The following AHRR variants were observed in gnomAD, a reference collection of about 807,000 sequenced individuals.
The protein encoded by AHRR is ahR repressor.
In AHRR, 28 loss-of-function variants were observed where a neutral mutation model predicts 44.0. That is an observed-to-expected ratio of 0.64 (90% CI 0.47 to 0.87). AHRR has a LOEUF of 0.87. Among genes scored for constraint, AHRR ranks in the 40% least tolerant of loss-of-function variants. The pLI is 0.00. For missense variants in AHRR, 990 were observed against 953.9 expected (o/e 1.04, Z -0.50); for synonymous variants, 434 against 407.0 (o/e 1.07, Z -0.80).
rs902007020 is a variant in AHRR at position 437,689 on chromosome 5, T to A, written c.*2855T>A. 6.6e-6 allele frequency: 1 copy of A among 152,378 alleles called. No homozygotes were observed. The highest frequency in any genetic ancestry group is 6.5e-5 in the Admixed American group (1 of 15,288). 9.4% of individuals were successfully genotyped at this position (152,378 alleles called of 1,614,324 possible). A position where few individuals can be genotyped will look rare whatever the true frequency, so the allele number is the denominator to read the frequency against. ...GGTGCCAGATTGAGTGGTGGGTTGCTGCCAGGCAGGCCACGCTGTGTTGAC... is the reference window on the plus strand; with the variant it reads ...GGTGCCAGATTGAGTGGTGGGTTGCAGCCAGGCAGGCCACGCTGTGTTGAC... On this transcript the variant is annotated 3_prime_UTR_variant, in exon 11 of 11. Coordinates refer to ENST00000684583, the MANE Select transcript of AHRR (RefSeq NM_001377236.1).
chr5:324,407 G>A (rs1741629237), intron 1 of AHRR, among the ~76,000 whole-genome samples: 1 of 150,696 alleles, frequency 6.6e-6, no homozygotes, highest in Non-Finnish European at 1.5e-5. Flanking sequence ...AGCCAAAGGT[G>A]CTTCCACTTG....
chr5:367,862 G>A (rs760547607), intron 3 of AHRR: 14 of 702,580 alleles, frequency 2.0e-5, no homozygotes, highest in Middle Eastern at 4.6e-4. Flanking sequence ...ACGGGCGAAC[G>A]AAGGCCCATG....
At chr5:414,053 A>G (rs1436835510) in intron 5 of AHRR, among the ~76,000 whole-genome samples, 1 of 152,212 alleles carries the variant, frequency 6.6e-6, no homozygotes, top group African/African-American at 2.4e-5. Context: ...TCACGAGGTC[A>G]GGAGATTGAG....
At chr5:433,055 A>G in intron 10 of AHRR, 108 bp downstream of exon 10, 7 of 1,341,810 alleles carry the variant, frequency 5.2e-6, no homozygotes, top group Non-Finnish European at 6.9e-6. Context: ...AAAAGACGAC[A>G]GCAGCCTTGG....
At chr5:344,982 TGTGTGAGGCTGTGTGTGGGGA>T (rs1742562081) in intron 2 of AHRR, among the ~76,000 whole-genome samples, 2 of 82,010 alleles carry the variant, frequency 2.4e-5, no homozygotes, top group Non-Finnish European at 4.9e-5. Context: ...GTGTGGGGTG[TGTGTGAGGCTGTGTGTGGGGA>T]GTGTGAGGCT....
At chr5:360,249 AAGGCAGCTGTCTGC>A (rs1743131007) in intron 3 of AHRR, among the ~76,000 whole-genome samples, 1 of 152,174 alleles carries the variant, frequency 6.6e-6, no homozygotes, top group South Asian at 2.1e-4. Context: ...ACACAGGGGG[AAGGCAGCTGTCTGC>A]AGGCTGGAAA....
chr5:344,144 G>A, intron 2 of AHRR, among the ~76,000 whole-genome samples, 180 bp downstream of exon 2: 1 of 151,342 alleles, frequency 6.6e-6, no homozygotes. Context: ...CAGCGCCCCG[G>A]TGCCCGGAGC....
chr5:323,977 CTTCCT>C (rs1024647709), intron 1 of AHRR, among the ~76,000 whole-genome samples: 19 of 147,538 alleles, frequency 1.3e-4, no homozygotes, highest in Non-Finnish European at 2.5e-4. Flanking sequence ...TCCTTCCCTC[CTTCCT>C]TCCTACCTTC....
intron 8 of AHRR, 29 bp from the exon 9 acceptor site, chr5:432,432 CAT>C (rs1296126253): frequency 3.7e-6 from 6 of 1,605,596 alleles, no homozygotes; most frequent in Non-Finnish European, 4.3e-6. Context: ...TCATCCGTCA[CAT>C]GTCACATGTT....
At chr5:368,875 G>T (rs907829250) in intron 3 of AHRR, among the ~76,000 whole-genome samples, 2 of 152,248 alleles carry the variant, frequency 1.3e-5, no homozygotes, top group African/African-American at 2.4e-5. Context: ...GAGGAAGTGT[G>T]AAATCTCTGA....
At chr5:331,023 C>T (rs895173303) in intron 1 of AHRR, among the ~76,000 whole-genome samples, 3 of 151,658 alleles carry the variant, frequency 2.0e-5, no homozygotes, top group Non-Finnish European at 4.4e-5. Context: ...ACTACAGGCG[C>T]GTGCCACCAT....
At position 388,908 on chromosome 5, in the gene AHRR, C is replaced by T. The variant is rs753202122; in HGVS notation, c.351+12192C>T. Among the ~76,000 whole-genome samples, 14 of 152,112 alleles carry T rather than the reference C, an allele frequency of 9.2e-5. No homozygotes were observed. Among genetic ancestry groups the T allele is most frequent in the African/African-American group, 2.4e-4 (10 of 41,432 alleles). ...AGCAGCAGGTGCGGAGGGTTTCCGC[C>T]GGTGCCTCGCACAGGAGAGAAGATG... On this transcript the variant is annotated intron_variant, in intron 4 of 10. Transcript: ENST00000684583. This position sits in a 1 kb window ranked among gnomAD's most constrained non-coding sequence, Gnocchi z 5.2.
chr5:421,746 T>C (rs538494932), intron 5 of AHRR, among the ~76,000 whole-genome samples: 61 of 152,258 alleles, frequency 4.0e-4, no homozygotes, highest in South Asian at 1.0e-3. Context: ...ACCTCCTCCT[T>C]CTGCTCTCCT....
intron 1 of AHRR, among the ~76,000 whole-genome samples, chr5:323,351 CCCT>C (rs1311303580): frequency 1.3e-5 from 2 of 152,340 alleles, no homozygotes; most frequent in African/African-American, 4.8e-5. Flanking sequence ...GTAATAGCAT[CCCT>C]CCTCCTGTAT....
intron 5 of AHRR, chr5:421,275 C>A (rs1407088932): frequency 1.4e-6 from 1 of 698,560 alleles, no homozygotes; most frequent in Non-Finnish European, 2.6e-6. Context: ...TGTGCAGGCA[C>A]GGAACGGGCG....
At chr5:343,777 C>G in intron 1 of AHRR, 116 bp from the exon 2 acceptor site, 4 of 1,045,880 alleles carry the variant, frequency 3.8e-6, no homozygotes, top group Non-Finnish European at 5.4e-6. Flanking sequence ...AGGTGGGGGC[C>G]TCGCGGGGTC....
At chr5:371,755 G>C (rs1221987230) in intron 3 of AHRR, among the ~76,000 whole-genome samples, 2 of 152,220 alleles carry the variant, frequency 1.3e-5, no homozygotes, top group African/African-American at 4.8e-5. Context: ...AGGAGCTGCA[G>C]ACTGCCAGAC....
intron 1 of AHRR, among the ~76,000 whole-genome samples, chr5:327,478 A>G (rs1361290426): frequency 6.6e-6 from 1 of 152,238 alleles, no homozygotes; most frequent in Non-Finnish European, 1.5e-5. Context: ...AACACGTGAC[A>G]TTTGACTTTC....
At chr5:354,002 T>C in intron 3 of AHRR, 91 bp downstream of exon 3, 1 of 1,380,352 alleles carries the variant, frequency 7.2e-7, no homozygotes, top group Admixed American at 2.0e-5. Flanking sequence ...GTGAAGTGTG[T>C]CTGGTGGGTT....
Sources: gnomAD v4.1 joint callset for allele counts (sites outside exome capture counted in the v4.1 genomes callset) on GRCh38, gnomAD v4.1.1 for gene constraint, Gnocchi (gnomAD v3.1) non-coding constraint, MANE v1.5 for transcripts, NCBI Gene and HGNC (gene_info 2026-07-23, HGNC 2026-07-21) for gene names.